Variants in ACYP2 observed in about 807,000 individuals in gnomAD.
The protein encoded by ACYP2 is acylphosphatase-2.
Under a neutral mutation model 11.2 loss-of-function variants are expected in ACYP2, and 12 were observed. The observed-to-expected ratio is 1.08, with a 90% CI of 0.69 to 1.74. The LOEUF (loss-of-function observed/expected upper bound fraction) is 1.74. ACYP2 is among the 40% of genes most tolerant of loss of function. ACYP2 has a pLI of 0.00. For synonymous variants in ACYP2, 43 were observed against 32.2 expected (o/e 1.33, Z -1.13); for missense variants, 134 against 101.9 (o/e 1.31, Z -1.35).
rs1459115614 is a variant in ACYP2 at position 54,199,288 on chromosome 2, C to T, written c.404+60540C>T. Reference sequence around the variant, plus strand: ...TCATGGGACATCGTGAACACCATACCCACATGGGGTCTTGAGGAACCACAG... The same window carrying T: ...TCATGGGACATCGTGAACACCATACTCACATGGGGTCTTGAGGAACCACAG... On this transcript the variant is annotated intron_variant, in intron 6 of 6. Transcript: ENST00000607452. Among the ~76,000 whole-genome samples, 3 of 152,186 alleles carry T rather than the reference C, an allele frequency of 2.0e-5. No individual in the cohort carries two copies. The East Asian group carries it at 5.8e-4, about 29-fold the overall frequency.
At chr2:54,021,083 G>A (rs1469270528) in intron 2 of ACYP2, among the ~76,000 whole-genome samples, 1 of 152,166 alleles carries the variant, frequency 6.6e-6, no homozygotes, top group African/African-American at 2.4e-5. Flanking sequence ...CTACTGCTGT[G>A]TTGTTCCTCT....
At chr2:54,098,661 C>T (rs1440124157) in intron 4 of ACYP2, among the ~76,000 whole-genome samples, 6 of 151,760 alleles carry the variant, frequency 4.0e-5, no homozygotes, top group African/African-American at 1.5e-4. Context: ...CCTCCCTTCT[C>T]CCAACATAAT....
At chr2:53,977,013 A>T (rs889319456) in intron 2 of ACYP2, among the ~76,000 whole-genome samples, 1 of 151,968 alleles carries the variant, frequency 6.6e-6, no homozygotes, top group African/African-American at 2.4e-5. Context: ...TTCCTATTAG[A>T]CATTTGTTTT....
intron 6 of ACYP2, among the ~76,000 whole-genome samples, chr2:54,173,038 T>A (rs1019353904): frequency 6.6e-6 from 1 of 152,256 alleles, no homozygotes; most frequent in Non-Finnish European, 1.5e-5. Flanking sequence ...GCAGCATGTT[T>A]TATAATCCTT....
chr2:54,252,061 G>A (rs1419093931), intron 6 of ACYP2, among the ~76,000 whole-genome samples: 1 of 152,172 alleles, frequency 6.6e-6, no homozygotes. Flanking sequence ...CTTGCAAGGA[G>A]CGTAAATCTC....
intron 2 of ACYP2, among the ~76,000 whole-genome samples, chr2:53,996,884 A>G (rs1672597831): frequency 6.6e-6 from 1 of 152,172 alleles, no homozygotes; most frequent in African/African-American, 2.4e-5. Flanking sequence ...TTTCTAAAAG[A>G]TCATTTTTAC....
chr2:54,266,740 G>A (rs927915163), intron 6 of ACYP2, among the ~76,000 whole-genome samples: 1 of 151,312 alleles, frequency 6.6e-6, no homozygotes, highest in Non-Finnish European at 1.5e-5. Flanking sequence ...CAAGTAGCTG[G>A]TACTACAGGC....
At chr2:54,076,292 G>A (rs1300114384) in intron 4 of ACYP2, among the ~76,000 whole-genome samples, 1 of 152,198 alleles carries the variant, frequency 6.6e-6, no homozygotes, top group Admixed American at 6.5e-5. Context: ...TATCTGCATT[G>A]TATTTAAAAT....
rs183749720 is a variant in ACYP2, at chr2:53,979,899, C to T, written c.62+6089C>T. Among the ~76,000 whole-genome samples the T allele has an allele frequency of 3.9e-3, 597 of 152,004 alleles. 6 individuals carry two copies. The highest frequency in any genetic ancestry group is 0.014 in the African/African-American group (584 of 41,528). ...TAGAGACAAGGTTTCACCATGTTGG[C>T]CAGGCTGGTCTGGAGCTTCTGACCT... On this transcript the variant is annotated intron_variant, in intron 2 of 6. Coordinates refer to ENST00000607452, the MANE Select transcript of ACYP2 (RefSeq NM_001320586.2).
chr2:54,140,406 C>T lies in ACYP2; in HGVS notation c.404+1658C>T, dbSNP rs536366995. 1.2e-3 allele frequency among the ~76,000 whole-genome samples: 178 copies of T among 152,192 alleles called. 1 individual carries two copies. Among genetic ancestry groups the T allele is most frequent in the Non-Finnish European group, 2.3e-3 (154 of 68,004 alleles). ...TTAATTTGCTTAACATAAATGAAAT[C>T]GTATCATACACTGTGCTCATGTTTT... On this transcript the variant is annotated intron_variant, in intron 6 of 6. Coordinates refer to ENST00000607452, the MANE Select transcript of ACYP2 (RefSeq NM_001320586.2).
chr2:54,216,532 T>G (rs1471833950), intron 6 of ACYP2, among the ~76,000 whole-genome samples: 1 of 95,844 alleles, frequency 1.0e-5, no homozygotes, highest in Non-Finnish European at 2.2e-5. Flanking sequence ...TAACTCCTAA[T>G]CACGTTTACA....
At chr2:54,256,247 A>G in intron 6 of ACYP2, 1 of 1,393,062 alleles carries the variant, frequency 7.2e-7, no homozygotes, top group Non-Finnish European at 9.8e-7. Context: ...CACCTCGCCC[A>G]TTTGCGCCGC....
chr2:54,118,759 T>C (rs1679966212), intron 4 of ACYP2, among the ~76,000 whole-genome samples: 1 of 152,214 alleles, frequency 6.6e-6, no homozygotes, highest in African/African-American at 2.4e-5. Context: ...ATAATTCCTA[T>C]AGTTTGCAGT....
At chr2:54,151,120 A>G (rs920129184) in intron 6 of ACYP2, among the ~76,000 whole-genome samples, 1 of 152,230 alleles carries the variant, frequency 6.6e-6, no homozygotes, top group Admixed American at 6.5e-5. Context: ...GAATTAGAAT[A>G]GAGATACTCA....
At chr2:54,202,931 G>T (rs4619647) in intron 6 of ACYP2, among the ~76,000 whole-genome samples, 1 of 151,656 alleles carries the variant, frequency 6.6e-6, no homozygotes. Flanking sequence ...CTTCTTTTTA[G>T]ATTGTTACGG....
chr2:53,979,434 C>G (rs952708865), intron 2 of ACYP2, among the ~76,000 whole-genome samples: 2 of 151,852 alleles, frequency 1.3e-5, no homozygotes, highest in East Asian at 1.9e-4. Context: ...TGAGACCATC[C>G]TAGCCAACAT....
intron 6 of ACYP2, among the ~76,000 whole-genome samples, chr2:54,144,112 G>T (rs1474831999): frequency 1.3e-5 from 2 of 152,036 alleles, no homozygotes; most frequent in Non-Finnish European, 2.9e-5. Context: ...TAGGAATACA[G>T]GTATGCACCA....
intron 6 of ACYP2, among the ~76,000 whole-genome samples, chr2:54,264,544 C>T (rs1218864230): frequency 6.6e-6 from 1 of 152,184 alleles, no homozygotes; most frequent in African/African-American, 2.4e-5. Context: ...GGGCGGAAGC[C>T]AGGCAGACAG....
At chr2:53,987,085 CAA>C (rs1204761083) in intron 2 of ACYP2, among the ~76,000 whole-genome samples, 2 of 152,118 alleles carry the variant, frequency 1.3e-5, no homozygotes, top group East Asian at 1.9e-4. Flanking sequence ...ATCAGACACA[CAA>C]GAGCATGTTC....
Sources: gnomAD v4.1 joint callset for allele counts (sites outside exome capture counted in the v4.1 genomes callset) on GRCh38, gnomAD v4.1.1 for gene constraint, MANE v1.5 for transcripts, NCBI Gene and HGNC (gene_info 2026-07-23, HGNC 2026-07-21) for gene names.